Variants in PPHLN1 observed in about 807,000 individuals in gnomAD.
PPHLN1 encodes periphilin-1.
In PPHLN1, 29 loss-of-function variants were observed where a neutral mutation model predicts 51.3. The ratio of observed to expected loss-of-function variants is 0.57; its 90% CI spans 0.42 to 0.77. PPHLN1 has a LOEUF of 0.77. Among genes scored for constraint, PPHLN1 ranks in the 30% least tolerant of loss-of-function variants. The pLI is 0.00. For synonymous variants in PPHLN1, 147 were observed against 147.8 expected (o/e 0.99, Z 0.04); for missense variants, 436 against 438.4 (o/e 0.99, Z 0.05).
chr12:42,428,016 T>C (rs529493293), intron 9 of PPHLN1, among the ~76,000 whole-genome samples: 1 of 152,022 alleles, frequency 6.6e-6, no homozygotes, highest in Non-Finnish European at 1.5e-5. Flanking sequence ...ATGCTCAACA[T>C]CACTAATGAT....
chr12:42,394,683 A>G (rs1438280007), intron 8 of PPHLN1, among the ~76,000 whole-genome samples: 1 of 152,066 alleles, frequency 6.6e-6, no homozygotes, highest in African/African-American at 2.4e-5. Flanking sequence ...TCCTTATTGT[A>G]GCTATAATAA....
chr12:42,429,893 C>T lies in PPHLN1; in HGVS notation c.910-11422C>T, dbSNP rs80136753. ...CCATCACCTGGATTCTATAATTAAG[C>T]TTTTGCTCTATTTGTTTTGTCACTT... is the stretch of plus-strand genomic sequence containing the variant. On this transcript the variant is annotated intron_variant, in intron 9 of 9. Coordinates refer to ENST00000358314, the MANE Select transcript of PPHLN1 (RefSeq NM_201439.2). Among the ~76,000 whole-genome samples the T allele has an allele frequency of 1.3e-3, 203 of 152,274 alleles. 1 individual carries two copies. Among genetic ancestry groups the T allele is most frequent in the East Asian group, 0.012 (63 of 5,178 alleles).
At chr12:42,381,919 C>T (rs1157490856) in intron 5 of PPHLN1, among the ~76,000 whole-genome samples, 2 of 152,246 alleles carry the variant, frequency 1.3e-5, no homozygotes, top group East Asian at 3.9e-4. Flanking sequence ...TGTTTTGTCC[C>T]TGTTTGCCAA....
At chr12:42,419,816 G>A (rs1176471158) in intron 9 of PPHLN1, among the ~76,000 whole-genome samples, 3 of 152,160 alleles carry the variant, frequency 2.0e-5, no homozygotes, top group Admixed American at 6.5e-5. Flanking sequence ...ATTGTACAAA[G>A]TAGTTGAATT....
At chr12:42,392,640 C>T (rs1164463440) in intron 7 of PPHLN1, among the ~76,000 whole-genome samples, 1 of 152,148 alleles carries the variant, frequency 6.6e-6, no homozygotes, top group Non-Finnish European at 1.5e-5. Flanking sequence ...TTGTGCTTGA[C>T]AATTCATATC....
intron 1 of PPHLN1, among the ~76,000 whole-genome samples, chr12:42,329,097 T>G (rs2069247385): frequency 7.3e-6 from 1 of 136,410 alleles, no homozygotes; most frequent in African/African-American, 3.0e-5. Flanking sequence ...AATTTCAATT[T>G]TTTTTTTTTT....
rs2082047017 is a variant in PPHLN1, at chr12:42,431,662, C to G, written c.910-9653C>G. On this transcript the variant is annotated intron_variant, in intron 9 of 9. Transcript: ENST00000358314. ...AAGAACTGTAAACTAGGAACTTCTT[C>G]AGTTTATGAAACACCATTCAGGACT... 3.9e-6 allele frequency: 4 copies of G among 1,034,612 alleles called. No individual in the cohort carries two copies. The Admixed American group carries it at 7.7e-5, about 20-fold the overall frequency. 64.1% of individuals were successfully genotyped at this position (1,034,612 alleles called of 1,614,324 possible).
rs1415892409 is a variant in PPHLN1 at position 42,409,265 on chromosome 12, C to T, written c.909+10271C>T. 2.0e-5 allele frequency among the ~76,000 whole-genome samples: 3 copies of T among 152,182 alleles called. No individual in the cohort carries two copies. In the East Asian group the frequency reaches 5.8e-4, roughly 29 times the overall value. On this transcript the variant is annotated intron_variant, in intron 9 of 9. Transcript: ENST00000358314. Reference sequence around the variant, plus strand: ...CATTAAAACCAAAAAAAATGGACAACTCCTGTCACTTTTATCTAGTGATTG... The same window carrying T: ...CATTAAAACCAAAAAAAATGGACAATTCCTGTCACTTTTATCTAGTGATTG...
At chr12:42,420,121 C>T (rs1276888681) in intron 9 of PPHLN1, among the ~76,000 whole-genome samples, 1 of 152,182 alleles carries the variant, frequency 6.6e-6, no homozygotes, top group African/African-American at 2.4e-5. Context: ...GCTTGAATCA[C>T]TGGAGAGGAT....
chr12:42,445,104 C>T (rs1048407456), downstream of PPHLN1: 6 of 702,146 alleles, frequency 8.5e-6, no homozygotes, highest in African/African-American at 8.7e-5. Context: ...TGCCTTTTTT[C>T]TTTGACTTCA....
At chr12:42,372,334 C>T (rs2075882171) in intron 4 of PPHLN1, among the ~76,000 whole-genome samples, 1 of 152,130 alleles carries the variant, frequency 6.6e-6, no homozygotes, top group East Asian at 1.9e-4. Flanking sequence ...ATCCTGCCAC[C>T]TTAGGCCACT....
rs572998740 is a variant in PPHLN1, at chr12:42,355,640, A to G, written c.299+418A>G. On this transcript the variant is annotated intron_variant, in intron 4 of 9. Transcript: ENST00000358314. ...GTGGCAGGTGCCTGTAATCCCAGCA[A>G]CTAGGGAGGTTGAGGCAGGAGGATT... is the stretch of plus-strand genomic sequence containing the variant. The G allele has an allele frequency of 3.2e-4, 51 of 157,910 alleles. 1 individual carries two copies. The South Asian group carries it at 9.4e-3, about 29-fold the overall frequency. The allele number at this position is 157,910 out of a possible 1,614,324, so 9.8% of individuals were successfully genotyped here. A position where few individuals can be genotyped will look rare whatever the true frequency, so the allele number is the denominator to read the frequency against.
chr12:42,395,131 C>T (rs562427256), intron 8 of PPHLN1, among the ~76,000 whole-genome samples: 40 of 151,934 alleles, frequency 2.6e-4, no homozygotes, highest in Non-Finnish European at 5.4e-4. Flanking sequence ...CTGAATAATC[C>T]ATGAGTGACT....
Position 42,431,102 on chromosome 12 carries a change from A to C in PPHLN1, c.910-10213A>C, listed in dbSNP as rs137948749. Among the ~76,000 whole-genome samples the C allele has an allele frequency of 1.7e-3, 258 of 152,360 alleles. 3 individuals carry two copies. Among genetic ancestry groups the C allele is most frequent in the African/African-American group, 5.8e-3 (240 of 41,584 alleles). ...CCCTCAAGGTGGAACAGTCACTGCCAAATATCACCCAGTGTCCCTGCAGAT... is the reference window on the plus strand; with the variant it reads ...CCCTCAAGGTGGAACAGTCACTGCCCAATATCACCCAGTGTCCCTGCAGAT... On this transcript the variant is annotated intron_variant, in intron 9 of 9. Coordinates refer to ENST00000358314, the MANE Select transcript of PPHLN1 (RefSeq NM_201439.2).
chr12:42,371,073 C>T (rs1400758314), intron 4 of PPHLN1, among the ~76,000 whole-genome samples: 2 of 149,352 alleles, frequency 1.3e-5, no homozygotes, highest in Non-Finnish European at 1.5e-5. Context: ...TCCCAAAGTG[C>T]TGGGATTACA....
At chr12:42,442,607 T>G (rs2083055428), downstream of PPHLN1, 3 of 1,613,148 alleles carry the variant, frequency 1.9e-6, no homozygotes, top group Middle Eastern at 1.6e-4. Context: ...AATACCTGCG[T>G]CTGAATACTC....
At chr12:42,423,457 C>A (rs1446579252) in intron 9 of PPHLN1, among the ~76,000 whole-genome samples, 1 of 152,004 alleles carries the variant, frequency 6.6e-6, no homozygotes, top group African/African-American at 2.4e-5. Flanking sequence ...AAAGAAAAAA[C>A]GCATCTTGGA....
intron 7 of PPHLN1, among the ~76,000 whole-genome samples, chr12:42,390,157 ATAC>A (rs1254505476): frequency 2.0e-5 from 3 of 152,174 alleles, no homozygotes; most frequent in Non-Finnish European, 4.4e-5. Flanking sequence ...CTAGCGGTAT[ATAC>A]TGGGTGTCTG....
chr12:42,375,699 A>G (rs1280676309), intron 5 of PPHLN1, among the ~76,000 whole-genome samples: 1 of 151,668 alleles, frequency 6.6e-6, no homozygotes, highest in Non-Finnish European at 1.5e-5. Flanking sequence ...TTTTATTTTT[A>G]TGTTTAATTT....
Sources: gnomAD v4.1 joint callset for allele counts (sites outside exome capture counted in the v4.1 genomes callset) on GRCh38, gnomAD v4.1.1 for gene constraint, MANE v1.5 for transcripts, NCBI Gene and HGNC (gene_info 2026-07-23, HGNC 2026-07-21) for gene names.